The following EIF4G3 variants were observed in gnomAD, a reference collection of about 807,000 sequenced individuals.
EIF4G3 encodes eukaryotic translation initiation factor 4 gamma 3.
In EIF4G3, 34 loss-of-function variants were observed where a neutral mutation model predicts 186.4. That is an observed-to-expected ratio of 0.18 (90% CI 0.14 to 0.24). The LOEUF (loss-of-function observed/expected upper bound fraction) is 0.24, where lower values mean the gene tolerates loss of function less well. Ranked by LOEUF, EIF4G3 falls within the 10% of genes least tolerant of loss-of-function variation. The pLI is 1.00. For synonymous variants in EIF4G3, 673 were observed against 679.5 expected (o/e 0.99, Z 0.15); for missense variants, 1,536 against 1,948.5 (o/e 0.79, Z 3.99).
At chr1:21,068,194 G>C (rs2095316858) in intron 3 of EIF4G3, among the ~76,000 whole-genome samples, 1 of 151,458 alleles carries the variant, frequency 6.6e-6, no homozygotes, top group South Asian at 2.1e-4. Context: ...CCAACATGGT[G>C]AAACCCTGTC....
At chr1:20,871,219 C>A (rs12729269) in intron 20 of EIF4G3, among the ~76,000 whole-genome samples, 4,258 of 152,276 alleles carry the variant, frequency 0.028, 91 homozygotes, top group Middle Eastern at 0.051. Flanking sequence ...AATGGCTTAA[C>A]AACTGCTCTA....
intron 4 of EIF4G3, among the ~76,000 whole-genome samples, chr1:21,020,170 G>C (rs937702770): frequency 2.0e-5 from 3 of 152,080 alleles, no homozygotes; most frequent in Admixed American, 2.0e-4. Flanking sequence ...CTCAGGCTTT[G>C]AGGCCCAGAC....
At chr1:21,142,577 T>C (rs1050648566) in intron 2 of EIF4G3, among the ~76,000 whole-genome samples, 8 of 152,032 alleles carry the variant, frequency 5.3e-5, no homozygotes, top group African/African-American at 1.9e-4. Context: ...ACAAAGTAAA[T>C]ACAAACAAAA....
At chr1:21,085,755 G>A (rs10753510) in intron 3 of EIF4G3, among the ~76,000 whole-genome samples, 60,485 of 151,704 alleles carry the variant, frequency 0.4, 12,694 homozygotes, top group Middle Eastern at 0.52. Flanking sequence ...CTGGAGTGGC[G>A]CGATCTTGGC....
At position 20,922,075 on chromosome 1, in the gene EIF4G3, T is replaced by G. The variant is rs572269939; in HGVS notation, c.1664-17104A>C. ...TCTGATACAAACTCTTTTTGAAAAG[T>G]TCTCTTAGGCCTATATTCGTATCAG... On this transcript the variant is annotated intron_variant, in intron 14 of 36. Transcript: ENST00000602326. Among the ~76,000 whole-genome samples the G allele has an allele frequency of 5.3e-5, 8 of 152,372 alleles. No individual in the cohort carries two copies. In the South Asian group the frequency reaches 1.4e-3, roughly 28 times the overall value.
intron 12 of EIF4G3, among the ~76,000 whole-genome samples, chr1:20,958,879 C>T (rs188380167): frequency 2.1e-4 from 32 of 152,198 alleles, no homozygotes; most frequent in Admixed American, 6.5e-4. Flanking sequence ...AAATACAAAA[C>T]GCTGCTGAAA....
At chr1:21,051,615 G>T (rs965963162) in intron 3 of EIF4G3, among the ~76,000 whole-genome samples, 1 of 152,156 alleles carries the variant, frequency 6.6e-6, no homozygotes, top group Non-Finnish European at 1.5e-5. Context: ...ACTTTGGGAG[G>T]CCAACACAGG....
intron 29 of EIF4G3, chr1:20,847,685 A>G: frequency 2.4e-6 from 1 of 412,282 alleles, no homozygotes; most frequent in South Asian, 1.8e-5. Flanking sequence ...TTATAAGAAT[A>G]CCCCTAATTT....
At chr1:20,971,415 C>G (rs1029124318) in intron 11 of EIF4G3, among the ~76,000 whole-genome samples, 1 of 152,180 alleles carries the variant, frequency 6.6e-6, no homozygotes, top group East Asian at 1.9e-4. Flanking sequence ...ACATCTGTAA[C>G]TACTGTCTTC....
At chr1:20,884,218 T>C (rs2083353453) in intron 19 of EIF4G3, among the ~76,000 whole-genome samples, 1 of 152,258 alleles carries the variant, frequency 6.6e-6, no homozygotes, top group Non-Finnish European at 1.5e-5. Context: ...AGAAAACCTA[T>C]TAATTAATGC....
intron 4 of EIF4G3, among the ~76,000 whole-genome samples, chr1:21,027,794 C>A (rs1257127755): frequency 6.6e-6 from 1 of 152,094 alleles, no homozygotes; most frequent in East Asian, 1.9e-4. Context: ...AGTATCCACT[C>A]TAAATAAATG....
chr1:21,087,482 A>T (rs2096025809), intron 3 of EIF4G3, among the ~76,000 whole-genome samples: 1 of 152,152 alleles, frequency 6.6e-6, no homozygotes, highest in South Asian at 2.1e-4. Flanking sequence ...TCATTTATGA[A>T]TTTGAATCAT....
chr1:20,976,608 C>A (rs1395509), intron 10 of EIF4G3, among the ~76,000 whole-genome samples: 143,701 of 152,300 alleles, frequency 0.94, 68,341 homozygotes, highest in Middle Eastern at 1. Flanking sequence ...GTTTAAACCT[C>A]AGCACAATAT....
At chr1:20,956,974 G>A (rs1300088808) in intron 12 of EIF4G3, among the ~76,000 whole-genome samples, 3 of 152,150 alleles carry the variant, frequency 2.0e-5, no homozygotes, top group African/African-American at 7.2e-5. Context: ...GATGCAAAAG[G>A]GAGTAAATAA....
intron 3 of EIF4G3, among the ~76,000 whole-genome samples, chr1:21,054,549 A>G (rs2154577781): frequency 6.6e-6 from 1 of 152,338 alleles, no homozygotes; most frequent in African/African-American, 2.4e-5. Context: ...TGCGTTAAAA[A>G]TAATAACTAA....
At chr1:21,165,483 T>C (rs930426305) in intron 2 of EIF4G3, among the ~76,000 whole-genome samples, 3 of 152,180 alleles carry the variant, frequency 2.0e-5, no homozygotes, top group Non-Finnish European at 4.4e-5. Flanking sequence ...ATGTCCATGG[T>C]ACATGGAATA....
chr1:21,101,890 CA>C (rs903827595), intron 2 of EIF4G3, among the ~76,000 whole-genome samples: 8 of 151,682 alleles, frequency 5.3e-5, no homozygotes, highest in African/African-American at 1.9e-4. Flanking sequence ...TAACTGGTAA[CA>C]AAAAAAACCT....
At chr1:21,060,838 T>A (rs1203577244) in intron 3 of EIF4G3, among the ~76,000 whole-genome samples, 1 of 149,284 alleles carries the variant, frequency 6.7e-6, no homozygotes, top group African/African-American at 2.5e-5. Context: ...CCACAACTAA[T>A]GGTGGCTTAG....
intron 4 of EIF4G3, among the ~76,000 whole-genome samples, chr1:21,010,321 G>A (rs2086621099): frequency 6.6e-6 from 1 of 151,444 alleles, no homozygotes; most frequent in South Asian, 2.1e-4. Context: ...TCGGGAGGCT[G>A]AGGCAGAAGA....
Sources: gnomAD v4.1 joint callset for allele counts (sites outside exome capture counted in the v4.1 genomes callset) on GRCh38, gnomAD v4.1.1 for gene constraint, MANE v1.5 for transcripts, NCBI Gene and HGNC (gene_info 2026-07-23, HGNC 2026-07-21) for gene names.